The following FAM107B variants were observed in gnomAD, a reference collection of about 807,000 sequenced individuals.
FAM107B encodes family with sequence similarity 107 member B.
A neutral mutation model predicts 31.5 loss-of-function variants in FAM107B; 21 were observed. That is an observed-to-expected ratio of 0.67 (90% CI 0.47 to 0.96). The LOEUF (loss-of-function observed/expected upper bound fraction) is 0.96, where lower values mean the gene tolerates loss of function less well. FAM107B is among the 40% of genes least tolerant of loss of function. FAM107B has a pLI of 0.00. For missense variants in FAM107B, 452 were observed against 377.1 expected (o/e 1.20, Z -1.64); for synonymous variants, 157 against 141.5 (o/e 1.11, Z -0.78).
At chr10:14,679,891 CT>C (rs1854786374) in intron 1 of FAM107B, among the ~76,000 whole-genome samples, 1 of 152,206 alleles carries the variant, frequency 6.6e-6, no homozygotes, top group African/African-American at 2.4e-5. Context: ...CTCCATCTTT[CT>C]CCCGTGCTGG....
chr10:14,753,113 A>C (rs529719129), intron 1 of FAM107B, among the ~76,000 whole-genome samples: 1 of 152,336 alleles, frequency 6.6e-6, no homozygotes, highest in African/African-American at 2.4e-5. Flanking sequence ...CATTACCAAA[A>C]AGATGGTAAA....
chr10:14,626,536 C>T (rs1017658301), intron 2 of FAM107B, among the ~76,000 whole-genome samples: 1 of 139,742 alleles, frequency 7.2e-6, no homozygotes, highest in African/African-American at 2.6e-5. Flanking sequence ...CAGAGTCTCG[C>T]TCTGTCGCCC....
intron 2 of FAM107B, among the ~76,000 whole-genome samples, chr10:14,657,006 G>A (rs994997731): frequency 6.6e-6 from 1 of 152,184 alleles, no homozygotes; most frequent in Non-Finnish European, 1.5e-5. Flanking sequence ...CAATGTCAAG[G>A]CTAAACAGCT....
intron 2 of FAM107B, among the ~76,000 whole-genome samples, chr10:14,540,665 C>T (rs1388675311): frequency 6.6e-6 from 1 of 152,236 alleles, no homozygotes; most frequent in Admixed American, 6.5e-5. Context: ...CTGGAAACCC[C>T]ATACACCTTT....
intron 1 of FAM107B, among the ~76,000 whole-genome samples, chr10:14,700,917 A>G (rs1478555050): frequency 6.7e-6 from 1 of 149,230 alleles, no homozygotes; most frequent in Non-Finnish European, 1.5e-5. Flanking sequence ...CACACACATC[A>G]CACCTCACCC....
intron 3 of FAM107B, chr10:14,528,182 T>TTG (rs1554825450): frequency 1.1e-5 from 2 of 178,970 alleles, no homozygotes; most frequent in African/African-American, 5.2e-5. Flanking sequence ...TGGTTTTTTT[T>TTG]TTTTTTTTTT....
intron 1 of FAM107B, among the ~76,000 whole-genome samples, chr10:14,764,517 A>G (rs914118095): frequency 2.0e-5 from 3 of 152,234 alleles, no homozygotes; most frequent in Non-Finnish European, 2.9e-5. Context: ...CTAACTGCCT[A>G]AAATTTCCAA....
chr10:14,579,254 A>G (rs1851559269), intron 2 of FAM107B, among the ~76,000 whole-genome samples: 1 of 152,250 alleles, frequency 6.6e-6, no homozygotes, highest in South Asian at 2.1e-4. Flanking sequence ...CATCATTTGG[A>G]AACACCCATA....
chr10:14,667,586 T>C, intron 2 of FAM107B, 48 bp downstream of exon 2: 1 of 1,602,304 alleles, frequency 6.2e-7, no homozygotes, highest in Non-Finnish European at 8.5e-7. Context: ...CAAGCACTTC[T>C]GTCAGCAACA....
intron 2 of FAM107B, among the ~76,000 whole-genome samples, chr10:14,632,295 A>ACT (rs1253369076): frequency 1.1e-5 from 1 of 94,108 alleles, no homozygotes; most frequent in Non-Finnish European, 2.0e-5. Context: ...ACAGAGCGAG[A>ACT]CTCTGTCTCA....
At chr10:14,679,991 A>G (rs909433363) in intron 1 of FAM107B, among the ~76,000 whole-genome samples, 2 of 152,086 alleles carry the variant, frequency 1.3e-5, no homozygotes, top group Non-Finnish European at 2.9e-5. Context: ...CAAATGGCCT[A>G]TTGTGGGACC....
chr10:14,612,971 T>G (rs575107056), intron 2 of FAM107B, among the ~76,000 whole-genome samples: 2 of 152,142 alleles, frequency 1.3e-5, no homozygotes, highest in Non-Finnish European at 2.9e-5. Context: ...TTTCTTTTTT[T>G]AATTTTATTT....
At chr10:14,547,960 T>C (rs1196846740) in intron 2 of FAM107B, among the ~76,000 whole-genome samples, 2 of 152,250 alleles carry the variant, frequency 1.3e-5, no homozygotes, top group Non-Finnish European at 2.9e-5. Context: ...GCTATTTCCA[T>C]GGCCCCGGCC....
intron 1 of FAM107B, among the ~76,000 whole-genome samples, chr10:14,759,815 G>A (rs1048034705): frequency 1.3e-5 from 2 of 151,962 alleles, no homozygotes; most frequent in African/African-American, 4.8e-5. Context: ...GGACACAAGT[G>A]ATTCTTGTGT....
Position 14,521,947 on chromosome 10 carries a change from C to T in FAM107B, c.726G>A (p.Lys242=). The change falls in exon 4 of 5, where the codon AAG becomes AAA. Residue 242 remains lysine, a synonymous_variant. Coordinates refer to ENST00000181796, the MANE Select transcript of FAM107B (RefSeq NM_031453.4). ...MEKRKRDQVI[K]QKEEEAQKKK... ...TCTTCTGTGCTTCTTCTTCCTTCTG[C>T]TTTATTACTTGGTCTCGTTTTCTTT... The T allele has an allele frequency of 6.2e-7, 1 of 1,614,156 alleles. No individual in the cohort carries two copies. Among genetic ancestry groups the T allele is most frequent in the Non-Finnish European group, 8.5e-7 (1 of 1,180,026 alleles).
chr10:14,592,655 T>A (rs1343173054), intron 2 of FAM107B, among the ~76,000 whole-genome samples: 1 of 152,254 alleles, frequency 6.6e-6, no homozygotes, highest in Non-Finnish European at 1.5e-5. Flanking sequence ...TTTTACTCCC[T>A]GCAATTTCAA....
chr10:14,600,918 G>C (rs1337884973), intron 2 of FAM107B, among the ~76,000 whole-genome samples: 1 of 152,178 alleles, frequency 6.6e-6, no homozygotes, highest in Middle Eastern at 3.4e-3. Context: ...TTCAACCACA[G>C]GAGCGCGCTG....
chr10:14,518,920 G>T lies in FAM107B; in HGVS notation c.*2270C>A, dbSNP rs546519475. On this transcript the variant is annotated 3_prime_UTR_variant, in exon 5 of 5. Transcript: ENST00000181796. Reference sequence around the variant, plus strand: ...GCTCAGATGTTCAAGAGTCCTAGGAGTTTGGGCTGCACAGTATTAAGGGGT... The same window carrying T: ...GCTCAGATGTTCAAGAGTCCTAGGATTTTGGGCTGCACAGTATTAAGGGGT... 28 of 152,784 alleles carry T rather than the reference G, an allele frequency of 1.8e-4. No homozygotes were observed. The highest frequency in any genetic ancestry group is 6.5e-4 in the African/African-American group (27 of 41,584). The allele number at this position is 152,784 out of a possible 1,614,324, so 9.5% of individuals were successfully genotyped here.
intron 1 of FAM107B, among the ~76,000 whole-genome samples, chr10:14,695,327 C>A (rs750372571): frequency 3.3e-5 from 5 of 152,100 alleles, no homozygotes; most frequent in Non-Finnish European, 5.9e-5. Context: ...GGATTTATAT[C>A]TGGGCTCTCT....
Sources: allele counts gnomAD v4.1 joint callset (sites outside exome capture counted in the v4.1 genomes callset), GRCh38; gene constraint gnomAD v4.1.1; transcripts MANE v1.5; gene names NCBI Gene and HGNC (gene_info 2026-07-23, HGNC 2026-07-21).